The following MTHFD2L variants were observed in gnomAD, a reference collection of about 807,000 sequenced individuals.
The protein encoded by MTHFD2L is methylenetetrahydrofolate dehydrogenase (NADP+ dependent) 2 like, also known as bifunctional methylenetetrahydrofolate dehydrogenase/cyclohydrolase 2, mitochondrial.
A neutral mutation model predicts 34.9 loss-of-function variants in MTHFD2L; 29 were observed. The observed-to-expected ratio is 0.83, with a 90% confidence interval of 0.62 to 1.13. The LOEUF (loss-of-function observed/expected upper bound fraction) is 1.13, where lower values mean the gene tolerates loss of function less well. MTHFD2L is among the 50% of genes most tolerant of loss of function. The pLI is 0.00. For missense variants in MTHFD2L, 481 were observed against 446.5 expected (o/e 1.08, Z -0.70); for synonymous variants, 167 against 155.7 (o/e 1.07, Z -0.54).
At chr4:74,116,394 A>G (rs973720504) in intron 2 of MTHFD2L, among the ~76,000 whole-genome samples, 1 of 152,302 alleles carries the variant, frequency 6.6e-6, no homozygotes, top group African/African-American at 2.4e-5. Context: ...AGCTACTCCA[A>G]CATCACCCAA....
chr4:74,178,623 A>G (rs1374197785), intron 3 of MTHFD2L, among the ~76,000 whole-genome samples: 1 of 152,056 alleles, frequency 6.6e-6, no homozygotes. Context: ...AGTGATTAAA[A>G]AAAAAAATCT....
chr4:74,152,989 G>A (rs575700909), intron 1 of MTHFD2L, among the ~76,000 whole-genome samples: 2 of 152,318 alleles, frequency 1.3e-5, no homozygotes, highest in South Asian at 4.1e-4. Flanking sequence ...CTTCATCTCA[G>A]GCAGTAGCTA....
At chr4:74,126,072 T>C (rs560305707) in intron 1 of MTHFD2L, among the ~76,000 whole-genome samples, 15 of 152,298 alleles carry the variant, frequency 9.8e-5, no homozygotes, top group African/African-American at 3.6e-4. Context: ...TTGGAAATAT[T>C]GGAAAATTAA....
intron 1 of MTHFD2L, among the ~76,000 whole-genome samples, chr4:74,135,533 T>C (rs1722843664): frequency 6.6e-6 from 1 of 152,046 alleles, no homozygotes; most frequent in South Asian, 2.1e-4. Context: ...AAAGAAAAGC[T>C]CACGGCCTGA....
chr4:74,247,852 C>G (rs1399707397), intron 6 of MTHFD2L, among the ~76,000 whole-genome samples: 1 of 152,190 alleles, frequency 6.6e-6, no homozygotes, highest in African/African-American at 2.4e-5. Flanking sequence ...GGTGGATAAG[C>G]TTTTTGATGT....
In MTHFD2L at chr4:74,287,140, A is replaced by G. The variant is rs549673749; in HGVS notation, c.931+5590A>G. On this transcript the variant is annotated intron_variant, in intron 7 of 7. Transcript: ENST00000325278. ...AAAATAAAGAAGTCACACTTTATGG[A>G]AAAGAATGTCTACTCCTCTAGCGCA... is the stretch of plus-strand genomic sequence containing the variant. 1.6e-4 allele frequency among the ~76,000 whole-genome samples: 24 copies of G among 152,296 alleles called. No individual in the cohort carries two copies. The East Asian group carries it at 2.3e-3, about 15-fold the overall frequency.
At chr4:74,196,553 A>T (rs544317399) in intron 3 of MTHFD2L, among the ~76,000 whole-genome samples, 12 of 152,364 alleles carry the variant, frequency 7.9e-5, no homozygotes, top group African/African-American at 2.6e-4. Flanking sequence ...GTAATGTTGT[A>T]AAAATCTATA....
intron 1 of MTHFD2L, chr4:74,161,322 T>G (rs1364215517): frequency 6.6e-6 from 1 of 152,236 alleles, no homozygotes; most frequent in African/African-American, 2.4e-5. Flanking sequence ...CTCTTCCCTC[T>G]ACTACTTACT....
intron 1 of MTHFD2L, among the ~76,000 whole-genome samples, chr4:74,162,815 A>C (rs1725750681): frequency 1.3e-5 from 2 of 152,164 alleles, no homozygotes. Context: ...GCTTGAACCC[A>C]CATCATCTTT....
At chr4:74,180,040 T>G (rs1005825723) in intron 3 of MTHFD2L, among the ~76,000 whole-genome samples, 1 of 152,150 alleles carries the variant, frequency 6.6e-6, no homozygotes, top group Non-Finnish European at 1.5e-5. Flanking sequence ...AACTGTTCCC[T>G]TTTGCACTCC....
chr4:74,209,066 A>C (rs1372563863), intron 5 of MTHFD2L, among the ~76,000 whole-genome samples: 7 of 152,126 alleles, frequency 4.6e-5, no homozygotes, highest in Admixed American at 4.6e-4. Context: ...GACAAACTGG[A>C]TTATTAGAAA....
chr4:74,119,740 G>T (rs1721719249), upstream of MTHFD2L, among the ~76,000 whole-genome samples: 1 of 151,958 alleles, frequency 6.6e-6, no homozygotes, highest in South Asian at 2.1e-4. Flanking sequence ...CCGAGATCGT[G>T]CCACTGCACT....
intron 6 of MTHFD2L, among the ~76,000 whole-genome samples, chr4:74,231,481 T>C (rs1305086691): frequency 6.6e-6 from 1 of 152,178 alleles, no homozygotes; most frequent in African/African-American, 2.4e-5. Flanking sequence ...TTTCATGGCT[T>C]CACTCATACT....
At chr4:74,189,490 T>C (rs372027161) in intron 3 of MTHFD2L, among the ~76,000 whole-genome samples, 8,326 of 132,450 alleles carry the variant, frequency 0.063, 396 homozygotes, top group African/African-American at 0.095. Context: ...TCTTCCTTTT[T>C]TTTTTTTTTT....
chr4:74,253,449 T>C (rs905000194), intron 6 of MTHFD2L, among the ~76,000 whole-genome samples: 1 of 152,154 alleles, frequency 6.6e-6, no homozygotes, highest in Non-Finnish European at 1.5e-5. Flanking sequence ...CAGTGGAACA[T>C]ACAAATAAGA....
At chr4:74,195,477 A>T (rs1275272964) in intron 3 of MTHFD2L, 1 of 152,162 alleles carries the variant, frequency 6.6e-6, no homozygotes, top group African/African-American at 2.4e-5. Flanking sequence ...AAAGTGCTAG[A>T]TATATTATTA....
intron 1 of MTHFD2L, chr4:74,161,015 C>T (rs529011553): frequency 2.6e-5 from 4 of 152,272 alleles, no homozygotes; most frequent in African/African-American, 7.2e-5. Context: ...ATCCTCAAAT[C>T]GTTAATTTGG....
At chr4:74,295,996 A>C (rs972217484) in intron 7 of MTHFD2L, among the ~76,000 whole-genome samples, 1 of 152,138 alleles carries the variant, frequency 6.6e-6, no homozygotes, top group Non-Finnish European at 1.5e-5. Flanking sequence ...CCGTGGCTCA[A>C]TTATTATTTA....
At chr4:74,176,744 C>T (rs1411222420) in intron 3 of MTHFD2L, among the ~76,000 whole-genome samples, 2 of 151,896 alleles carry the variant, frequency 1.3e-5, no homozygotes, top group Admixed American at 6.6e-5. Context: ...AATTGTTGTT[C>T]TGAAATTTGT....
Sources: gnomAD v4.1 joint callset for allele counts (sites outside exome capture counted in the v4.1 genomes callset) on GRCh38, gnomAD v4.1.1 for gene constraint, MANE v1.5 for transcripts, NCBI Gene and HGNC (gene_info 2026-07-23, HGNC 2026-07-21) for gene names.